Variants in DTNB observed in about 807,000 individuals in gnomAD.
DTNB encodes the protein dystrobrevin beta, also known as DTN-B.
A neutral mutation model predicts 90.7 loss-of-function variants in DTNB; 63 were observed. The ratio of observed to expected loss-of-function variants is 0.69; its 90% CI spans 0.57 to 0.86. The LOEUF (loss-of-function observed/expected upper bound fraction) is 0.86, where lower values mean the gene tolerates loss of function less well. DTNB is among the 40% of genes least tolerant of loss of function. The pLI is 0.00. For synonymous variants in DTNB, 277 were observed against 286.7 expected, an observed-to-expected ratio of 0.97 and a Z score of 0.34; for missense variants, 744 against 807.1, an observed-to-expected ratio of 0.92 and a Z score of 0.95.
chr2:25,455,410 A>C lies in DTNB; in HGVS notation c.1164T>G (p.Cys388Trp). Residue 388 changes from cysteine to tryptophan, a missense_variant, in exon 11 of 21, where the codon TGT becomes TGG. Physicochemically the swap from Cys to Trp is radical, Grantham distance 215. Transcript: ENST00000406818. ...GCTGCTGCACCACCACTGACCGTGC[A>C]CAGTGCTGCAGACGGGCCACATAGG... ...IASYVARLQH[C>W]ARVLDSPSRL... 6.3e-7 allele frequency: 1 copy of C among 1,596,996 alleles called. No homozygotes were observed. The highest frequency in any genetic ancestry group is 1.1e-5 in the South Asian group (1 of 87,854).
chr2:25,462,995 G>A (rs1438396681), intron 10 of DTNB, among the ~76,000 whole-genome samples: 2 of 152,180 alleles, frequency 1.3e-5, no homozygotes, highest in Admixed American at 1.3e-4. Context: ...GAGCCACCGC[G>A]CCCGGCCTAC....
chr2:25,390,460 T>C (rs948077619), intron 16 of DTNB, among the ~76,000 whole-genome samples: 1 of 152,064 alleles, frequency 6.6e-6, no homozygotes, highest in African/African-American at 2.4e-5. Flanking sequence ...TTTTTTTTTT[T>C]TGAGATGGAG....
intron 10 of DTNB, among the ~76,000 whole-genome samples, chr2:25,459,129 T>C (rs1296574906): frequency 6.6e-6 from 1 of 152,188 alleles, no homozygotes; most frequent in Non-Finnish European, 1.5e-5. Context: ...TCTCTTTGTT[T>C]ATCCTGGCAT....
chr2:25,480,417 G>A (rs2064699315), intron 10 of DTNB, among the ~76,000 whole-genome samples: 1 of 152,184 alleles, frequency 6.6e-6, no homozygotes, highest in Admixed American at 6.5e-5. Context: ...TAGATTATCT[G>A]AAGCAGCTTT....
chr2:25,433,815 G>T, intron 13 of DTNB, 95 bp downstream of exon 13: 3 of 1,424,394 alleles, frequency 2.1e-6, no homozygotes, highest in Non-Finnish European at 2.9e-6. Context: ...CTTCCTTGGC[G>T]GTCAAAAGCC....
chr2:25,568,879 G>A (rs996396109), intron 8 of DTNB, among the ~76,000 whole-genome samples: 6 of 152,212 alleles, frequency 3.9e-5, no homozygotes, highest in Admixed American at 6.5e-5. Context: ...AAGGCAGAAC[G>A]CAGCAGAAGT....
At chr2:25,548,629 G>A (rs1476913679) in intron 8 of DTNB, among the ~76,000 whole-genome samples, 1 of 152,154 alleles carries the variant, frequency 6.6e-6, no homozygotes, top group African/African-American at 2.4e-5. Context: ...TCAGCCTGGA[G>A]TGGAGTAAGG....
intron 2 of DTNB, among the ~76,000 whole-genome samples, chr2:25,647,039 CA>C (rs1390655114): frequency 6.6e-6 from 1 of 151,906 alleles, no homozygotes; most frequent in Non-Finnish European, 1.5e-5. Flanking sequence ...TTACAAGAGA[CA>C]AAAACATAAG....
intron 3 of DTNB, among the ~76,000 whole-genome samples, chr2:25,629,661 T>C (rs958373572): frequency 2.0e-5 from 3 of 152,172 alleles, no homozygotes; most frequent in African/African-American, 4.8e-5. Context: ...TGGAAAACCA[T>C]ATGATCAACT....
At chr2:25,555,339 T>C (rs1221285249) in intron 8 of DTNB, among the ~76,000 whole-genome samples, 1 of 137,572 alleles carries the variant, frequency 7.3e-6, no homozygotes, top group Non-Finnish European at 1.6e-5. Context: ...TCCAGCAAAA[T>C]GTTAAAAAGC....
intron 1 of DTNB, among the ~76,000 whole-genome samples, chr2:25,662,681 A>AACACACACAC (rs35136841): frequency 9.6e-6 from 1 of 104,462 alleles, no homozygotes; most frequent in Non-Finnish European, 2.0e-5. Flanking sequence ...CACACACACA[A>AACACACACAC]ACACACACAC....
intron 9 of DTNB, among the ~76,000 whole-genome samples, chr2:25,487,419 T>TA (rs1015215879): frequency 6.6e-6 from 1 of 152,206 alleles, no homozygotes; most frequent in Admixed American, 6.5e-5. Flanking sequence ...AGAGAGGACT[T>TA]AAAGTATATG....
intron 19 of DTNB, among the ~76,000 whole-genome samples, chr2:25,381,202 C>CAT (rs2037625208): frequency 6.6e-6 from 1 of 151,574 alleles, no homozygotes; most frequent in Non-Finnish European, 1.5e-5. Context: ...TGTGCATGTG[C>CAT]GTGTGCGTGT....
intron 10 of DTNB, among the ~76,000 whole-genome samples, chr2:25,465,979 C>T (rs188635308): frequency 6.6e-6 from 1 of 152,340 alleles, no homozygotes; most frequent in East Asian, 1.9e-4. Context: ...ATATCAGGTG[C>T]TCAGCAAATA....
chr2:25,536,387 A>C (rs2079768161), intron 8 of DTNB, among the ~76,000 whole-genome samples: 1 of 152,160 alleles, frequency 6.6e-6, no homozygotes, highest in Non-Finnish European at 1.5e-5. Flanking sequence ...AGCCGAGATC[A>C]CGCCACTGCA....
intron 4 of DTNB, among the ~76,000 whole-genome samples, chr2:25,624,034 A>G (rs2073509217): frequency 6.6e-6 from 1 of 152,156 alleles, no homozygotes; most frequent in Non-Finnish European, 1.5e-5. Flanking sequence ...GTCTGAGAAG[A>G]AACATCTACA....
At chr2:25,535,761 C>T (rs1272270324) in intron 8 of DTNB, among the ~76,000 whole-genome samples, 3 of 125,392 alleles carry the variant, frequency 2.4e-5, no homozygotes, top group African/African-American at 6.3e-5. Flanking sequence ...ACTTCCCAGA[C>T]GGGGGTGGCC....
At chr2:25,554,291 T>C (rs751116973) in intron 8 of DTNB, among the ~76,000 whole-genome samples, 7 of 152,188 alleles carry the variant, frequency 4.6e-5, no homozygotes, top group African/African-American at 7.2e-5. Context: ...GCACTGAGTA[T>C]TGGCTTTTCT....
rs184008974 is a variant in DTNB, at chr2:25,633,075, G to A, written c.149-4691C>T. On this transcript the variant is annotated intron_variant, in intron 3 of 20. Coordinates refer to ENST00000406818, the MANE Select transcript of DTNB (RefSeq NM_021907.5). ...TTCTACAGATAAATTAATATGAGTCGAGAACAATTGCTAGAAATAAGATCA... is the reference window on the plus strand; with the variant it reads ...TTCTACAGATAAATTAATATGAGTCAAGAACAATTGCTAGAAATAAGATCA... Among the ~76,000 whole-genome samples the A allele has an allele frequency of 1.7e-4, 26 of 152,014 alleles. No individual in the cohort carries two copies. In the East Asian group the frequency reaches 2.1e-3, roughly 12 times the overall value.
Sources: allele counts gnomAD v4.1 joint callset (sites outside exome capture counted in the v4.1 genomes callset), GRCh38; gene constraint gnomAD v4.1.1; transcripts MANE v1.5; gene names NCBI Gene and HGNC (gene_info 2026-07-23, HGNC 2026-07-21).